RGSL1: variants seen among roughly 807,000 people sequenced by gnomAD.
RGSL1 encodes regulator of G protein signaling protein-like.
RGSL1 carries 97 observed loss-of-function variants against 124.7 expected under a neutral mutation model. The ratio of observed to expected loss-of-function variants is 0.78; its 90% CI spans 0.66 to 0.92. The LOEUF (loss-of-function observed/expected upper bound fraction) is 0.92, where lower values mean the gene tolerates loss of function less well. Among genes scored for constraint, RGSL1 ranks in the 40% least tolerant of loss-of-function variants. RGSL1 has a pLI of 0.00. For missense variants in RGSL1, 1,233 were observed against 1,288.4 expected, an observed-to-expected ratio of 0.96 and a Z score of 0.66; for synonymous variants, 424 against 438.1, an observed-to-expected ratio of 0.97 and a Z score of 0.40.
chr1:182,539,988 C>A (rs1659787741), intron 14 of RGSL1, among the ~76,000 whole-genome samples: 1 of 152,176 alleles, frequency 6.6e-6, no homozygotes, highest in Non-Finnish European at 1.5e-5. Context: ...ATTAGCGTAA[C>A]TGTGGTGTGC....
At chr1:182,518,494 G>A (rs1248700498) in intron 9 of RGSL1, among the ~76,000 whole-genome samples, 1 of 152,106 alleles carries the variant, frequency 6.6e-6, no homozygotes, top group Admixed American at 6.6e-5. Flanking sequence ...GATCTATAGA[G>A]CAGAGTTTCC....
chr1:182,468,851 C>G (rs1345753327), intron 4 of RGSL1, among the ~76,000 whole-genome samples: 2 of 151,882 alleles, frequency 1.3e-5, no homozygotes, highest in East Asian at 3.9e-4. Context: ...GAATAAAAAG[C>G]CTGGAAATAA....
chr1:182,509,434 GCAGAGGGCTGACCCCCCCACCTCCCTCC>G lies in RGSL1; in HGVS notation c.1826-12568_1826-12541del, dbSNP rs1169211022. Among the ~76,000 whole-genome samples the G allele has an allele frequency of 3.4e-4, 7 of 20,538 alleles. 1 individual carries two copies. The highest frequency in any genetic ancestry group is 1.2e-3 in the African/African-American group (6 of 5,154). 13.5% of individuals were successfully genotyped at this position (20,538 alleles called of 152,430 possible). ...CCTCCCAGACGGGGCGGCTGGCCGG[GCAGAGGGCTGACCCCCCCACCTCCCTCC>G]CGGACGGGGCGGCTGGCCAGGCGGG... On this transcript the variant is annotated intron_variant, in intron 9 of 21. Transcript: ENST00000294854.
At position 182,458,300 on chromosome 1, in the gene RGSL1, TC is replaced by T; in HGVS notation, c.97-17del. 6.5e-7 allele frequency: 1 copy of T among 1,547,250 alleles called. No homozygotes were observed. Among genetic ancestry groups the T allele is most frequent in the South Asian group, 1.2e-5 (1 of 83,954 alleles). ...GAGAAGCTCTACTCCCTTGACTGTT[TC>T]CTAGCTTTGTTTTGCAGGTTTTTGG... On this transcript the variant is annotated intron_variant, in intron 2 of 21. Coordinates refer to ENST00000294854, the MANE Select transcript of RGSL1 (RefSeq NM_001137669.2).
intron 4 of RGSL1, chr1:182,471,159 C>T (rs909691116): frequency 7.4e-6 from 3 of 405,144 alleles, no homozygotes; most frequent in Non-Finnish European, 1.5e-5. Context: ...CCCTGCTCAT[C>T]TAACTGGTCA....
intron 20 of RGSL1, 106 bp downstream of exon 20, chr1:182,554,799 C>T (rs1035482814): frequency 9.0e-7 from 1 of 1,107,084 alleles, no homozygotes; most frequent in Non-Finnish European, 1.3e-6. Flanking sequence ...TACCCTGCCT[C>T]TCCTTGGCAT....
chr1:182,479,747 T>C (rs1654552822), intron 6 of RGSL1, among the ~76,000 whole-genome samples: 1 of 152,160 alleles, frequency 6.6e-6, no homozygotes, highest in African/African-American at 2.4e-5. Flanking sequence ...AGACTCATGA[T>C]AGATTTAAGA....
At chr1:182,479,437 A>C (rs1479196549) in intron 6 of RGSL1, among the ~76,000 whole-genome samples, 1 of 152,222 alleles carries the variant, frequency 6.6e-6, no homozygotes, top group Non-Finnish European at 1.5e-5. Context: ...AGCTTAAAAC[A>C]GATTTATGAC....
At chr1:182,530,526 G>GACACAC (rs1351535181) in intron 12 of RGSL1, among the ~76,000 whole-genome samples, 165 bp downstream of exon 12, 10 of 63,898 alleles carry the variant, frequency 1.6e-4, no homozygotes, top group African/African-American at 6.0e-4. Flanking sequence ...CTATCTATCT[G>GACACAC]ACACACACAC....
At chr1:182,457,806 G>A (rs1652468033) in intron 2 of RGSL1, among the ~76,000 whole-genome samples, 1 of 152,136 alleles carries the variant, frequency 6.6e-6, no homozygotes, top group African/African-American at 2.4e-5. Flanking sequence ...AAAGGGGATG[G>A]TATCCTAGAA....
intron 4 of RGSL1, among the ~76,000 whole-genome samples, chr1:182,462,119 G>T (rs886509425): frequency 3.9e-5 from 6 of 152,028 alleles, no homozygotes; most frequent in Admixed American, 3.3e-4. Flanking sequence ...GTAAGAGAGA[G>T]AAATTATTCA....
intron 6 of RGSL1, among the ~76,000 whole-genome samples, chr1:182,482,994 T>C (rs762733395): frequency 1.3e-5 from 2 of 152,206 alleles, no homozygotes; most frequent in African/African-American, 2.4e-5. Context: ...GAGGACATCA[T>C]GCTAATTAAA....
At chr1:182,449,002 G>A (rs944830106), upstream of RGSL1, among the ~76,000 whole-genome samples, 8 of 152,162 alleles carry the variant, frequency 5.3e-5, no homozygotes, top group Non-Finnish European at 1.5e-5. Flanking sequence ...TTTAGGAGGA[G>A]ACCTTGACTC....
At chr1:182,523,040 A>ATT (rs5779137) in intron 10 of RGSL1, among the ~76,000 whole-genome samples, 129,517 of 150,240 alleles carry the variant, frequency 0.86, 56,131 homozygotes, top group Non-Finnish European at 0.89. Flanking sequence ...TTTTTAATTA[A>ATT]TTTTTTTTTC....
chr1:182,451,495 CATTTGAAGCAATGGGA>C (rs1340864049), intron 1 of RGSL1, among the ~76,000 whole-genome samples: 1 of 115,458 alleles, frequency 8.7e-6, no homozygotes, highest in African/African-American at 2.7e-5. Context: ...CTTAAGAAAA[CATTTGAAGCAATGGGA>C]ATATGGGAAC....
intron 10 of RGSL1, among the ~76,000 whole-genome samples, chr1:182,522,769 G>T (rs907168844): frequency 2.0e-5 from 3 of 152,100 alleles, no homozygotes; most frequent in Admixed American, 6.5e-5. Context: ...GCATTTATAT[G>T]TACTACTTTT....
intron 2 of RGSL1, among the ~76,000 whole-genome samples, chr1:182,456,060 G>C (rs1217459534): frequency 1.3e-5 from 2 of 152,162 alleles, no homozygotes; most frequent in Non-Finnish European, 2.9e-5. Context: ...GGGATAAGTA[G>C]AGGAGATTGT....
intron 6 of RGSL1, among the ~76,000 whole-genome samples, chr1:182,481,223 G>A (rs932832942): frequency 2.6e-5 from 4 of 151,842 alleles, no homozygotes; most frequent in Admixed American, 6.6e-5. Flanking sequence ...AAAAAAGAGA[G>A]AGAAGTTTCA....
intron 2 of RGSL1, among the ~76,000 whole-genome samples, chr1:182,454,405 T>A (rs544048303): frequency 1.5e-4 from 23 of 152,284 alleles, no homozygotes; most frequent in African/African-American, 5.5e-4. Flanking sequence ...TTGGGCTGTG[T>A]CTGTTTTCTG....
Sources: allele counts gnomAD v4.1 joint callset (sites outside exome capture counted in the v4.1 genomes callset), GRCh38; gene constraint gnomAD v4.1.1; transcripts MANE v1.5; gene names NCBI Gene and HGNC (gene_info 2026-07-23, HGNC 2026-07-21).